Variants in ORC4 observed in about 807,000 individuals in gnomAD.
ORC4 encodes origin recognition complex subunit 4.
In ORC4, 55 loss-of-function variants were observed where a neutral mutation model predicts 63.9. The observed-to-expected ratio is 0.86, with a 90% CI of 0.69 to 1.08. ORC4 has a LOEUF of 1.08. Ranked by LOEUF, ORC4 falls within the 50% of genes least tolerant of loss-of-function variation. The pLI, the probability that ORC4 is intolerant of heterozygous loss-of-function variation, is 0.00. For synonymous variants in ORC4, 150 were observed against 168.5 expected (o/e 0.89, Z 0.85); for missense variants, 511 against 504.4 (o/e 1.01, Z -0.13).
chr2:147,932,592 G>A lies in ORC4; in HGVS notation c.*2918C>T, dbSNP rs982079364. On this transcript the variant is annotated 3_prime_UTR_variant, in exon 14 of 14. Transcript: ENST00000392857. ...GACAACTGCAAGAATGAGGATAGTG[G>A]TGAGTGAAGGGAGATTTGTTAATTA... The A allele has an allele frequency of 2.0e-5, 3 of 152,178 alleles. No homozygotes were observed. Among genetic ancestry groups the A allele is most frequent in the African/African-American group, 4.8e-5 (2 of 41,440 alleles). The allele number at this position is 152,178 out of a possible 1,614,324, so 9.4% of individuals were successfully genotyped here.
intron 1 of ORC4, among the ~76,000 whole-genome samples, chr2:147,987,931 T>C (rs544251250): frequency 1.8e-4 from 28 of 151,698 alleles, no homozygotes; most frequent in Non-Finnish European, 3.1e-4. Flanking sequence ...CCGGCGCCTA[T>C]AGTCCCAGCT....
intron 9 of ORC4, 108 bp from the exon 10 acceptor site, chr2:147,943,630 T>C (rs779225294): frequency 5.1e-5 from 34 of 670,142 alleles, no homozygotes; most frequent in Non-Finnish European, 1.3e-5. Context: ...CTCTATCTAA[T>C]ATTAATTCAT....
intron 1 of ORC4, among the ~76,000 whole-genome samples, chr2:147,977,702 G>A (rs1690646369): frequency 6.6e-6 from 1 of 152,164 alleles, no homozygotes; most frequent in African/African-American, 2.4e-5. Flanking sequence ...AACCCTATCT[G>A]GTCCCTTGGC....
chr2:148,010,556 T>C (rs984800603), intron 1 of ORC4, among the ~76,000 whole-genome samples: 1 of 151,950 alleles, frequency 6.6e-6, no homozygotes, highest in Non-Finnish European at 1.5e-5. Flanking sequence ...TGGAGACCAT[T>C]TGAACAACTG....
chr2:147,965,217 G>A (rs1689833004), intron 4 of ORC4, among the ~76,000 whole-genome samples: 1 of 151,768 alleles, frequency 6.6e-6, no homozygotes, highest in Admixed American at 6.6e-5. Context: ...TAAATGAGAG[G>A]AAGTAAGAAA....
intron 10 of ORC4, 25 bp from the exon 11 acceptor site, chr2:147,939,273 C>T (rs1167153274): frequency 6.8e-7 from 1 of 1,461,534 alleles, no homozygotes; most frequent in Admixed American, 1.7e-5. Flanking sequence ...ATCAGAAAAA[C>T]AATTACGTAT....
rs1687889612 is a variant in ORC4 at position 147,933,633 on chromosome 2, C to T, written c.*1877G>A. 1 of 152,050 alleles carries T rather than the reference C, an allele frequency of 6.6e-6. No homozygotes were observed. The highest frequency in any genetic ancestry group is 2.1e-4 in the South Asian group (1 of 4,818). 9.4% of individuals were successfully genotyped at this position (152,050 alleles called of 1,614,324 possible). A position where few individuals can be genotyped will look rare whatever the true frequency, so the allele number is the denominator to read the frequency against. ...TCTTAAGCTAATAAGAAATTGGAAT[C>T]CTCAAGTCATTTCATGAGGCTGTTA... On this transcript the variant is annotated 3_prime_UTR_variant, in exon 14 of 14. Coordinates refer to ENST00000392857, the MANE Select transcript of ORC4 (RefSeq NM_181741.4).
At chr2:147,992,538 A>C (rs1691685733) in intron 1 of ORC4, among the ~76,000 whole-genome samples, 2 of 152,188 alleles carry the variant, frequency 1.3e-5, no homozygotes, top group Non-Finnish European at 2.9e-5. Flanking sequence ...GAAAAGCCCC[A>C]AACTACACAT....
intron 1 of ORC4, among the ~76,000 whole-genome samples, chr2:147,980,005 G>A (rs1018449092): frequency 1.3e-5 from 2 of 152,046 alleles, no homozygotes; most frequent in South Asian, 2.1e-4. Flanking sequence ...CACTGGACTC[G>A]GCAAAGATTT....
chr2:147,935,749 C>G, intron 13 of ORC4, 51 bp from the exon 14 acceptor site: 1 of 1,439,100 alleles, frequency 6.9e-7, no homozygotes. Context: ...AGAGTGACAA[C>G]TCTCCTGTTC....
chr2:147,944,016 G>A (rs1276956041), intron 9 of ORC4, among the ~76,000 whole-genome samples: 1 of 152,118 alleles, frequency 6.6e-6, no homozygotes, highest in African/African-American at 2.4e-5. Context: ...ACGTACTGGA[G>A]TTTCAATTAC....
At chr2:148,018,681 T>C (rs1693470199) in intron 1 of ORC4, among the ~76,000 whole-genome samples, 1 of 152,184 alleles carries the variant, frequency 6.6e-6, no homozygotes, top group South Asian at 2.1e-4. Context: ...CATAATGATA[T>C]GTAATATATA....
chr2:147,938,177 A>C lies in ORC4; in HGVS notation c.1091T>G (p.Val364Gly). The C allele has an allele frequency of 6.2e-7, 1 of 1,612,744 alleles. No homozygotes were observed. Among genetic ancestry groups the C allele is most frequent in the Non-Finnish European group, 8.5e-7 (1 of 1,179,082 alleles). Residue 364 changes from valine to glycine, a missense_variant, in exon 13 of 14, where the codon GTT (valine) becomes GGT (glycine). Transcript: ENST00000392857. ...GACAACAGGTTTTTCAAAATTATAA[A>C]CGGAATGTGCTTTCCTTTGAACAAA... ...QKFVQRKAHSVYNFEKPVVMK... is the reference protein window; with the variant it reads ...QKFVQRKAHSGYNFEKPVVMK...
At chr2:148,008,051 A>G (rs1445267688) in intron 1 of ORC4, among the ~76,000 whole-genome samples, 1 of 152,202 alleles carries the variant, frequency 6.6e-6, no homozygotes, top group African/African-American at 2.4e-5. Flanking sequence ...TAATACATCC[A>G]CCGAAATTAT....
At chr2:147,976,193 T>C (rs1202386149) in intron 1 of ORC4, among the ~76,000 whole-genome samples, 1 of 152,188 alleles carries the variant, frequency 6.6e-6, no homozygotes, top group Admixed American at 6.5e-5. Flanking sequence ...TACTGTGCTT[T>C]GCAGATGGTG....
intron 1 of ORC4, chr2:147,981,866 T>A (rs1254615611): frequency 6.6e-6 from 1 of 152,216 alleles, no homozygotes; most frequent in African/African-American, 2.4e-5. Flanking sequence ...TGAAGGAAGA[T>A]CAGCCAATAT....
intron 4 of ORC4, among the ~76,000 whole-genome samples, chr2:147,968,182 A>G (rs1397255880): frequency 6.6e-6 from 1 of 152,082 alleles, no homozygotes; most frequent in African/African-American, 2.4e-5. Context: ...ACCTGAAACT[A>G]TAAAACTACT....
chr2:147,965,733 T>C (rs961605519), intron 4 of ORC4, among the ~76,000 whole-genome samples: 2 of 152,152 alleles, frequency 1.3e-5, no homozygotes, highest in African/African-American at 4.8e-5. Context: ...AAAATACATC[T>C]ATAGAACATT....
rs770486008 is a variant in ORC4, at chr2:147,948,043, TA to T, written c.762+7del. 31 of 1,607,250 alleles carry T rather than the reference TA, an allele frequency of 1.9e-5. 1 individual carries two copies. In the Middle Eastern group the frequency reaches 8.3e-4, roughly 43 times the overall value. ...AGGAACATTTAGCTTTATTGCCTTT[TA>T]AGATACCTGAACATTTTCATTCCAC... On this transcript the variant is annotated splice_region_variant and intron_variant, in intron 9 of 13. Coordinates refer to ENST00000392857, the MANE Select transcript of ORC4 (RefSeq NM_181741.4).
Sources: gnomAD v4.1 joint callset for allele counts (sites outside exome capture counted in the v4.1 genomes callset) on GRCh38, gnomAD v4.1.1 for gene constraint, MANE v1.5 for transcripts, NCBI Gene and HGNC (gene_info 2026-07-23, HGNC 2026-07-21) for gene names.